Variants in PCLO observed in about 807,000 individuals in gnomAD.
The protein encoded by PCLO is protein piccolo.
Under a neutral mutation model 427.5 loss-of-function variants are expected in PCLO, and 82 were observed. The ratio of observed to expected loss-of-function variants is 0.19; its 90% CI spans 0.16 to 0.23. The LOEUF is 0.23. Among genes scored for constraint, PCLO ranks in the 10% least tolerant of loss-of-function variants. The pLI is 1.00. For missense variants in PCLO, 6,239 were observed against 6,115.9 expected, an observed-to-expected ratio of 1.02 and a Z score of -0.67; for synonymous variants, 2,357 against 2,155.4, an observed-to-expected ratio of 1.09 and a Z score of -2.59.
At chr7:83,048,335 C>T (rs1789151221) in intron 3 of PCLO, among the ~76,000 whole-genome samples, 1 of 152,060 alleles carries the variant, frequency 6.6e-6, no homozygotes, top group Middle Eastern at 3.4e-3. Flanking sequence ...AGTCATTAAT[C>T]CATAGTAAAG....
intron 3 of PCLO, among the ~76,000 whole-genome samples, chr7:83,123,693 A>C (rs2116571555): frequency 6.6e-6 from 1 of 152,072 alleles, no homozygotes; most frequent in Non-Finnish European, 1.5e-5. Flanking sequence ...CAACCCATAT[A>C]ATGGGAGAAA....
intron 22 of PCLO, among the ~76,000 whole-genome samples, chr7:82,782,265 C>T (rs184630353): frequency 2.1e-3 from 321 of 152,186 alleles, no homozygotes; most frequent in African/African-American, 7.2e-3. Flanking sequence ...TAACCTCTGA[C>T]GTTTGGTCAC....
At chr7:82,796,723 A>AC (rs976911161) in intron 22 of PCLO, among the ~76,000 whole-genome samples, 3 of 150,076 alleles carry the variant, frequency 2.0e-5, no homozygotes, top group African/African-American at 7.4e-5. Context: ...TAGGTGTGGT[A>AC]CAGTCACCAA....
intron 6 of PCLO, among the ~76,000 whole-genome samples, chr7:82,935,295 C>G (rs1794926880): frequency 6.7e-6 from 1 of 149,890 alleles, no homozygotes; most frequent in Non-Finnish European, 1.5e-5. Flanking sequence ...CCTTCAACAA[C>G]TCAATGTTCT....
At chr7:82,793,245 T>C (rs1791144277) in intron 22 of PCLO, among the ~76,000 whole-genome samples, 1 of 151,982 alleles carries the variant, frequency 6.6e-6, no homozygotes, top group African/African-American at 2.4e-5. Context: ...CAAGGAAGAG[T>C]CACATTCTAT....
rs9642152 is a variant in PCLO, at chr7:82,994,973, T to C, written c.3301-28486A>G. ...TGGATTACTGTGTTATTTACTAAGA[T>C]AGCAAGAATATGGAGGACAAAATAT... On this transcript the variant is annotated intron_variant, in intron 3 of 24. Transcript: ENST00000333891. Among the ~76,000 whole-genome samples the C allele has an allele frequency of 9.2e-5, 14 of 152,064 alleles. No individual in the cohort carries two copies. In the East Asian group the frequency reaches 2.7e-3, roughly 29 times the overall value.
chr7:82,819,308 G>A (rs1044599416), intron 20 of PCLO, among the ~76,000 whole-genome samples: 6 of 151,558 alleles, frequency 4.0e-5, no homozygotes, highest in African/African-American at 1.5e-4. Flanking sequence ...ATATCTATTA[G>A]AACACTATTC....
chr7:82,824,650 T>G (rs921694056), intron 18 of PCLO, among the ~76,000 whole-genome samples: 1 of 150,424 alleles, frequency 6.6e-6, no homozygotes, highest in Admixed American at 6.7e-5. Context: ...ATAAAATTTT[T>G]GACTATTAAC....
At chr7:83,038,047 ATATCTT>A (rs1219095683) in intron 3 of PCLO, among the ~76,000 whole-genome samples, 9 of 43,106 alleles carry the variant, frequency 2.1e-4, no homozygotes, top group East Asian at 5.8e-4. Context: ...ATTTATATAT[ATATCTT>A]TATATATATA....
chr7:82,824,872 C>G (rs1057030442), intron 18 of PCLO, among the ~76,000 whole-genome samples: 4 of 151,846 alleles, frequency 2.6e-5, no homozygotes, highest in African/African-American at 9.7e-5. Flanking sequence ...TGGCATGAAC[C>G]CAGGAGGCAG....
chr7:83,162,001 A>C (rs894125183), intron 1 of PCLO, among the ~76,000 whole-genome samples: 1 of 152,198 alleles, frequency 6.6e-6, no homozygotes, highest in Non-Finnish European at 1.5e-5. Context: ...ATTTCCTAAC[A>C]CGTCCGTGTT....
chr7:82,963,596 C>T (rs995580188), intron 4 of PCLO, among the ~76,000 whole-genome samples: 24 of 151,978 alleles, frequency 1.6e-4, no homozygotes, highest in Non-Finnish European at 2.8e-4. Context: ...ATAAGCTTAA[C>T]TTTGAAGCTG....
rs371947620 is a variant in PCLO at position 82,915,991 on chromosome 7, C to T, written c.11995G>A (p.Val3999Ile). 3.1e-6 allele frequency: 5 copies of T among 1,612,688 alleles called. No homozygotes were observed. Among genetic ancestry groups the T allele is most frequent in the Non-Finnish European group, 4.2e-6 (5 of 1,179,800 alleles). ...APVSTDNTFA[V>I]SHLGSKYNSL... Reference sequence around the variant, plus strand: ...TTGTACTTACTACCAAGATGGGAAACAGCAAATGTGTTATCCGTAGAAACA... The same window carrying T: ...TTGTACTTACTACCAAGATGGGAAATAGCAAATGTGTTATCCGTAGAAACA... Residue 3999 changes from valine to isoleucine, a missense_variant, in exon 7 of 25, where the codon GTT becomes ATT. By Grantham distance (29) the Val-to-Ile change is conservative. Transcript: ENST00000333891.
intron 3 of PCLO, among the ~76,000 whole-genome samples, chr7:83,122,286 C>CTTTTTTTTTTTTTT (rs71074624): frequency 4.2e-4 from 54 of 128,226 alleles, no homozygotes; most frequent in South Asian, 7.3e-4. Context: ...CTTTTCTTTT[C>CTTTTTTTTTTTTTT]TTTTTTTTTT....
intron 21 of PCLO, among the ~76,000 whole-genome samples, chr7:82,802,121 G>A (rs1330533130): frequency 1.3e-5 from 2 of 151,358 alleles, no homozygotes; most frequent in Admixed American, 6.6e-5. Context: ...GAGCAAACTG[G>A]CTTTTGTAGT....
chr7:82,757,300 T>A lies in PCLO; in HGVS notation c.*1275A>T, dbSNP rs781114060. 7.9e-5 allele frequency: 12 copies of A among 151,990 alleles called. No individual in the cohort carries two copies. Among genetic ancestry groups the A allele is most frequent in the Non-Finnish European group, 1.3e-4 (9 of 67,926 alleles). 9.4% of individuals were successfully genotyped at this position (151,990 alleles called of 1,614,324 possible). A position where few individuals can be genotyped will look rare whatever the true frequency, so the allele number is the denominator to read the frequency against. On this transcript the variant is annotated 3_prime_UTR_variant, in exon 25 of 25. Coordinates refer to ENST00000333891, the MANE Select transcript of PCLO (RefSeq NM_033026.6). ...CTTCATTTTAAGACTTGGACATTAGTTGTTTTATTCATTATTATTAAAATA... is the reference window on the plus strand; with the variant it reads ...CTTCATTTTAAGACTTGGACATTAGATGTTTTATTCATTATTATTAAAATA...
intron 6 of PCLO, among the ~76,000 whole-genome samples, chr7:82,947,538 C>T (rs554880620): frequency 6.6e-6 from 1 of 152,254 alleles, no homozygotes; most frequent in South Asian, 2.1e-4. Flanking sequence ...ATCTTAGACT[C>T]ATAGTCTCTA....
At chr7:82,870,468 T>G (rs1793206261) in intron 10 of PCLO, among the ~76,000 whole-genome samples, 1 of 152,004 alleles carries the variant, frequency 6.6e-6, no homozygotes, top group Non-Finnish European at 1.5e-5. Context: ...ATTTAAGACC[T>G]GAGCTTATGA....
At chr7:82,946,846 A>C (rs1795215088) in intron 6 of PCLO, among the ~76,000 whole-genome samples, 1 of 152,206 alleles carries the variant, frequency 6.6e-6, no homozygotes, top group Admixed American at 6.5e-5. Flanking sequence ...AAAATCACTT[A>C]GGAGCTGTTT....
Sources: allele counts gnomAD v4.1 joint callset (sites outside exome capture counted in the v4.1 genomes callset), GRCh38; gene constraint gnomAD v4.1.1; transcripts MANE v1.5; gene names NCBI Gene and HGNC (gene_info 2026-07-23, HGNC 2026-07-21).